Variants in HSPA13 observed in about 807,000 individuals in gnomAD.
HSPA13 encodes the protein heat shock 70 kDa protein 13.
A neutral mutation model predicts 38.8 loss-of-function variants in HSPA13; 29 were observed. That is an observed-to-expected ratio of 0.75 (90% confidence interval 0.56 to 1.02). The LOEUF (loss-of-function observed/expected upper bound fraction) is 1.02. Ranked by LOEUF, HSPA13 falls within the 50% of genes least tolerant of loss-of-function variation. HSPA13 has a pLI of 0.00. For missense variants in HSPA13, 451 were observed against 560.9 expected (o/e 0.80, Z 1.98); for synonymous variants, 192 against 205.3 (o/e 0.94, Z 0.56).
rs372970689 is a variant in HSPA13, at chr21:14,383,071, C to G, written c.25+24G>C. The G allele has an allele frequency of 1.5e-5, 24 of 1,614,062 alleles. No homozygotes were observed. In the Middle Eastern group the frequency reaches 4.9e-4, roughly 33 times the overall value. ...CAGATCGCCTCTACGCCCGCAAGAG[C>G]AACAAGGACCCCCGGGAACCCACCT... is the stretch of plus-strand genomic sequence containing the variant. On this transcript the variant is annotated intron_variant, in intron 1 of 4. Coordinates refer to ENST00000285667, the MANE Select transcript of HSPA13 (RefSeq NM_006948.5).
At chr21:14,376,734 T>C (rs1416214347) in intron 3 of HSPA13, among the ~76,000 whole-genome samples, 3 of 152,248 alleles carry the variant, frequency 2.0e-5, no homozygotes, top group Admixed American at 6.5e-5. Flanking sequence ...TCCCAGCTTA[T>C]GGCTGTTGCA....
chr21:14,381,653 C>A, intron 1 of HSPA13, 110 bp from the exon 2 acceptor site: 1 of 995,742 alleles, frequency 1.0e-6, no homozygotes, highest in Non-Finnish European at 1.4e-6. Flanking sequence ...CTAAAAAAGA[C>A]AAATTTCAAA....
At chr21:14,380,705 T>C (rs1269734019) in intron 2 of HSPA13, among the ~76,000 whole-genome samples, 2 of 152,106 alleles carry the variant, frequency 1.3e-5, no homozygotes, top group African/African-American at 4.8e-5. Context: ...TACCGGAATC[T>C]CCAACATTAG....
chr21:14,379,276 A>T (rs1984109764), intron 2 of HSPA13, among the ~76,000 whole-genome samples: 1 of 152,178 alleles, frequency 6.6e-6, no homozygotes, highest in Non-Finnish European at 1.5e-5. Context: ...CATTTAAAAA[A>T]CTATTTTAAC....
Position 14,381,258 on chromosome 21 carries a change from C to T in HSPA13, c.311G>A (p.Gly104Asp). Residue 104 changes from glycine to aspartate, a missense_variant, in exon 2 of 5, where the codon GGC (glycine) becomes GAC (aspartate). Coordinates refer to ENST00000285667, the MANE Select transcript of HSPA13 (RefSeq NM_006948.5). Reference sequence around the variant, plus strand: ...CAACTCTTCTGCGGTAAAAATCTTGCCTATGAATCTTTTGGCATCATATAT... The same window carrying T: ...CAACTCTTCTGCGGTAAAAATCTTGTCTATGAATCTTTTGGCATCATATAT... Reference protein sequence around the residue: ...NTIYDAKRFIGKIFTAEELEA... With the variant: ...NTIYDAKRFIDKIFTAEELEA... 1 of 1,612,260 alleles carries T rather than the reference C, an allele frequency of 6.2e-7. No homozygotes were observed. Among genetic ancestry groups the T allele is most frequent in the Non-Finnish European group, 8.5e-7 (1 of 1,178,780 alleles).
At chr21:14,375,905 G>C in intron 3 of HSPA13, 86 bp from the exon 4 acceptor site, 1 of 1,075,252 alleles carries the variant, frequency 9.3e-7, no homozygotes, top group Admixed American at 1.9e-5. Context: ...TGTGTCTTCT[G>C]TGACATGAAC....
At position 14,374,120 on chromosome 21, in the gene HSPA13, C is replaced by G. The variant is rs776554368; in HGVS notation, c.913G>C (p.Ala305Pro). The G allele has an allele frequency of 6.2e-7, 1 of 1,614,002 alleles. No homozygotes were observed. The highest frequency in any genetic ancestry group is 1.7e-5 in the Admixed American group (1 of 59,992). The stretch of plus-strand genomic sequence containing the variant: ...ACCGTTAGTAATACTGACAACTGAG[C>G]AGATTGATGAAGAGTCAGATTTAAT... ...VKLNLTLHQS[A>P]QLSVLLTVEE... Residue 305 changes from alanine (A) to proline (P), a missense_variant, in exon 5 of 5, where the codon GCT becomes CCT. Ala to Pro is a conservative substitution (Grantham distance 27, BLOSUM62 -1). Transcript: ENST00000285667.
chr21:14,383,123 A>G lies in HSPA13; in HGVS notation c.-4T>C. On this transcript the variant is annotated 5_prime_UTR_variant, in exon 1 of 5. Transcript: ENST00000285667. ...AGATCGTCATCTCTCTGGCCATCACAGTCCCGCCGAACAGGCTTGTGATGA... is the reference window on the plus strand; with the variant it reads ...AGATCGTCATCTCTCTGGCCATCACGGTCCCGCCGAACAGGCTTGTGATGA... The G allele has an allele frequency of 1.2e-6, 2 of 1,614,002 alleles. No individual in the cohort carries two copies. Among genetic ancestry groups the G allele is most frequent in the Non-Finnish European group, 1.7e-6 (2 of 1,179,962 alleles).
chr21:14,383,014 G>T (rs1279624538), intron 1 of HSPA13, 81 bp downstream of exon 1: 1 of 1,499,564 alleles, frequency 6.7e-7, no homozygotes, highest in Non-Finnish European at 9.3e-7. Context: ...TCCAGGAGGT[G>T]AGTCAACCAC....
chr21:14,377,896 T>C (rs1984067930), intron 3 of HSPA13, among the ~76,000 whole-genome samples: 1 of 152,242 alleles, frequency 6.6e-6, no homozygotes, highest in Admixed American at 6.5e-5. Flanking sequence ...AGCTGCACAG[T>C]TGGCTTCCCT....
rs754494846 is a variant in HSPA13 at position 14,374,281 on chromosome 21, T to C, written c.752A>G (p.Asn251Ser). 2 of 1,602,284 alleles carry C rather than the reference T, an allele frequency of 1.2e-6. No homozygotes were observed. Among genetic ancestry groups the C allele is most frequent in the Non-Finnish European group, 1.7e-6 (2 of 1,176,126 alleles). ...GAAGTCCTGTCCTCCAAGTTTATTG[T>C]TTCCTGAGTGAAAAATAAAAGTTTA... Reference protein sequence around the residue: ...GMFLTRAMSGNNKLGGQDFNQ... With the variant: ...GMFLTRAMSGSNKLGGQDFNQ... The change falls in exon 5 of 5, where the codon AAC becomes AGC. Residue 251 changes from asparagine (N) to serine (S), a missense_variant. Physicochemically the swap from Asn to Ser is conservative, Grantham distance 46. Coordinates refer to ENST00000285667, the MANE Select transcript of HSPA13 (RefSeq NM_006948.5).
At chr21:14,376,680 C>A (rs922109580) in intron 3 of HSPA13, among the ~76,000 whole-genome samples, 5 of 152,228 alleles carry the variant, frequency 3.3e-5, no homozygotes, top group African/African-American at 1.2e-4. Context: ...TTATTCTACT[C>A]TGGCCACACT....
chr21:14,374,669 T>C (rs1216826010), intron 4 of HSPA13, among the ~76,000 whole-genome samples: 1 of 152,204 alleles, frequency 6.6e-6, no homozygotes, highest in Non-Finnish European at 1.5e-5. Context: ...AGGGTCAAAA[T>C]TTTAAATTAT....
rs1244484385 is a variant in HSPA13 at position 14,371,717 on chromosome 21, G to C, written c.*1900C>G. 2 of 152,222 alleles carry C rather than the reference G, an allele frequency of 1.3e-5. No homozygotes were observed. Among genetic ancestry groups the C allele is most frequent in the South Asian group, 4.1e-4 (2 of 4,828 alleles). 9.4% of individuals were successfully genotyped at this position (152,222 alleles called of 1,614,324 possible). ...GTTTCCAAAAGCATTAACGGATTAA[G>C]AGACTGTCTTGAACATCTCAAACAT... On this transcript the variant is annotated 3_prime_UTR_variant, in exon 5 of 5. Coordinates refer to ENST00000285667, the MANE Select transcript of HSPA13 (RefSeq NM_006948.5).
In HSPA13 at chr21:14,383,006, CAGG is replaced by C. The variant is rs1317867526; in HGVS notation, c.25+86_25+88del. On this transcript the variant is annotated intron_variant, in intron 1 of 4. Transcript: ENST00000285667. Reference sequence around the variant, plus strand: ...CCCCTTCCGCTGCTCCAGCTAGATCCAGGAGGTGAGTCAACCACCCCTGCCCAC... The same window carrying C: ...CCCCTTCCGCTGCTCCAGCTAGATCCAGGTGAGTCAACCACCCCTGCCCAC... 2.1e-6 allele frequency: 3 copies of C among 1,440,296 alleles called. No homozygotes were observed. The African/African-American group carries it at 4.2e-5, about 20-fold the overall frequency. The allele number at this position is 1,440,296 out of a possible 1,614,324, so 89.2% of individuals were successfully genotyped here.
chr21:14,378,164 T>G (rs777284126), intron 3 of HSPA13, 35 bp downstream of exon 3: 11 of 1,541,384 alleles, frequency 7.1e-6, no homozygotes. Flanking sequence ...AACACAATTT[T>G]GAGAAAAATG....
rs573477098 is a variant in HSPA13, at chr21:14,375,107, T to G, written c.748+545A>C. Among the ~76,000 whole-genome samples the G allele has an allele frequency of 4.3e-4, 65 of 152,330 alleles. No homozygotes were observed. The South Asian group carries it at 0.01, about 24-fold the overall frequency. On this transcript the variant is annotated intron_variant, in intron 4 of 4. Transcript: ENST00000285667. ...GTTTAGAATGCATAATCCTATCATT[T>G]CCTAGGGAAAAATACAATTAGACTT...
intron 3 of HSPA13, among the ~76,000 whole-genome samples, chr21:14,376,856 C>A (rs1984040271): frequency 6.6e-6 from 1 of 152,218 alleles, no homozygotes; most frequent in Non-Finnish European, 1.5e-5. Flanking sequence ...TTTGCCTGAT[C>A]ACCCTATTTA....
chr21:14,381,911 T>G (rs183260328), intron 1 of HSPA13, among the ~76,000 whole-genome samples: 2 of 152,354 alleles, frequency 1.3e-5, no homozygotes, highest in East Asian at 3.9e-4. Context: ...CTTGATCAAT[T>G]GATATTTAGA....
Sources: allele counts gnomAD v4.1 joint callset (sites outside exome capture counted in the v4.1 genomes callset), GRCh38; gene constraint gnomAD v4.1.1; transcripts MANE v1.5; gene names NCBI Gene and HGNC (gene_info 2026-07-23, HGNC 2026-07-21).